Variants in MARCHF4 observed in about 807,000 individuals in gnomAD.
MARCHF4 encodes the protein E3 ubiquitin-protein ligase MARCHF4.
Under a neutral mutation model 43.9 loss-of-function variants are expected in MARCHF4, and 14 were observed. That is an observed-to-expected ratio of 0.32 (90% CI 0.21 to 0.50). The LOEUF (loss-of-function observed/expected upper bound fraction) is 0.50. MARCHF4 is among the 20% of genes least tolerant of loss of function. MARCHF4 has a pLI of 0.98. For missense variants in MARCHF4, 468 were observed against 536.7 expected, an observed-to-expected ratio of 0.87 and a Z score of 1.27; for synonymous variants, 226 against 213.3, an observed-to-expected ratio of 1.06 and a Z score of -0.52.
At chr2:216,269,546 T>C (rs576942287) in intron 3 of MARCHF4, among the ~76,000 whole-genome samples, 2 of 152,198 alleles carry the variant, frequency 1.3e-5, no homozygotes, top group Admixed American at 1.3e-4. Context: ...GATCTCTATA[T>C]CTAGGCTGTA....
Position 216,368,906 on chromosome 2 carries a change from T to A in MARCHF4, c.516+839A>T, listed in dbSNP as rs1270836141. Among the ~76,000 whole-genome samples the A allele has an allele frequency of 2.6e-5, 4 of 152,066 alleles. No individual in the cohort carries two copies. The East Asian group carries it at 7.7e-4, about 29-fold the overall frequency. ...AACTTGGGAGGGGTGTCTGTGAAAA[T>A]CTGAATGAATAGGGTAGGGAAAACC... On this transcript the variant is annotated intron_variant, in intron 1 of 3. Transcript: ENST00000273067.
At chr2:216,325,659 A>T (rs1177389790) in intron 1 of MARCHF4, among the ~76,000 whole-genome samples, 4 of 152,248 alleles carry the variant, frequency 2.6e-5, no homozygotes, top group African/African-American at 9.6e-5. Context: ...AACGCCACAT[A>T]TCTACAACTA....
intron 1 of MARCHF4, 141 bp downstream of exon 1, chr2:216,369,604 A>G: frequency 1.5e-6 from 1 of 660,968 alleles, no homozygotes; most frequent in African/African-American, 1.8e-5. Flanking sequence ...ACTTAACCAC[A>G]AGAAACATCA....
At chr2:216,269,940 CT>C (rs998493273) in intron 3 of MARCHF4, among the ~76,000 whole-genome samples, 6 of 152,206 alleles carry the variant, frequency 3.9e-5, no homozygotes, top group African/African-American at 1.4e-4. Flanking sequence ...CCCTAGTCCT[CT>C]GTCCTCAGCC....
At chr2:216,320,526 C>G (rs1299867293) in intron 1 of MARCHF4, among the ~76,000 whole-genome samples, 6 of 152,166 alleles carry the variant, frequency 3.9e-5, no homozygotes, top group Non-Finnish European at 8.8e-5. Flanking sequence ...AATGTCTACC[C>G]AATTCCAAGG....
At chr2:216,355,003 A>ATTCTTTCTTTCTTTCTTTTTTT (rs1559106767) in intron 1 of MARCHF4, among the ~76,000 whole-genome samples, 1 of 126,514 alleles carries the variant, frequency 7.9e-6, no homozygotes, top group Admixed American at 9.6e-5. Context: ...ACAGAGTCTA[A>ATTCTTTCTTTCTTTCTTTTTTT]CTTTGTCACC....
intron 1 of MARCHF4, among the ~76,000 whole-genome samples, chr2:216,343,220 A>G (rs955440937): frequency 3.9e-5 from 6 of 152,210 alleles, no homozygotes; most frequent in Admixed American, 2.6e-4. Context: ...ACAAAATATC[A>G]TAGACTGAGT....
At chr2:216,301,775 A>G (rs1023235031) in intron 1 of MARCHF4, among the ~76,000 whole-genome samples, 35 of 152,246 alleles carry the variant, frequency 2.3e-4, no homozygotes, top group African/African-American at 8.4e-4. Context: ...TTTTTGGAGA[A>G]TGTTGGACAA....
chr2:216,263,494 AG>A, intron 3 of MARCHF4, among the ~76,000 whole-genome samples: 1 of 32,700 alleles, frequency 3.1e-5, no homozygotes, highest in African/African-American at 4.9e-5. Context: ...GGAGAGAGAA[AG>A]AGAGAGAGAG....
rs373142218 is a variant in MARCHF4 at position 216,359,885 on chromosome 2, G to A, written c.516+9860C>T. ...TTATTAATTGAACTCTGCCAGCACT[G>A]AATGACTGAACTTGCACTTTTGATT... is the stretch of plus-strand genomic sequence containing the variant. On this transcript the variant is annotated intron_variant, in intron 1 of 3. Transcript: ENST00000273067. Among the ~76,000 whole-genome samples, 8 of 152,284 alleles carry A rather than the reference G, an allele frequency of 5.3e-5. No homozygotes were observed. The East Asian group carries it at 1.2e-3, about 22-fold the overall frequency.
At chr2:216,365,629 C>A (rs1296085986) in intron 1 of MARCHF4, among the ~76,000 whole-genome samples, 1 of 152,252 alleles carries the variant, frequency 6.6e-6, no homozygotes, top group African/African-American at 2.4e-5. Flanking sequence ...CTCACTTGGT[C>A]TTCAGAAGCA....
chr2:216,352,180 C>T (rs531399877), intron 1 of MARCHF4, among the ~76,000 whole-genome samples: 1 of 152,292 alleles, frequency 6.6e-6, no homozygotes, highest in East Asian at 1.9e-4. Flanking sequence ...TCCCCTTTGT[C>T]CACCTGTTTT....
rs145299158 is a variant in MARCHF4, at chr2:216,348,754, G to A, written c.516+20991C>T. Among the ~76,000 whole-genome samples, 82 of 152,180 alleles carry A rather than the reference G, an allele frequency of 5.4e-4. No homozygotes were observed. In the East Asian group the frequency reaches 0.01, roughly 19 times the overall value. On this transcript the variant is annotated intron_variant, in intron 1 of 3. Transcript: ENST00000273067. ...GAATTATTTCTTGCTAGAAATCCAA[G>A]AACCCTCTTTTGGGGTCTGGATCAG...
intron 1 of MARCHF4, among the ~76,000 whole-genome samples, chr2:216,348,765 T>C (rs1261976354): frequency 6.6e-6 from 1 of 152,238 alleles, no homozygotes; most frequent in African/African-American, 2.4e-5. Flanking sequence ...AACCCTCTTT[T>C]GGGGTCTGGA....
chr2:216,271,192 C>T lies in MARCHF4; in HGVS notation c.865+6480G>A, dbSNP rs576861652. 2.0e-5 allele frequency among the ~76,000 whole-genome samples: 3 copies of T among 152,290 alleles called. No homozygotes were observed. In the East Asian group the frequency reaches 5.8e-4, roughly 29 times the overall value. ...ATGGCCAACTGCTCCAAGCCCCTTG[C>T]CCATCACCCACCTCCCAGCCTGACT... On this transcript the variant is annotated intron_variant, in intron 3 of 3. Transcript: ENST00000273067.
intron 1 of MARCHF4, among the ~76,000 whole-genome samples, chr2:216,298,487 A>G (rs1048422737): frequency 2.6e-5 from 4 of 152,072 alleles, no homozygotes; most frequent in African/African-American, 2.4e-5. Flanking sequence ...GCTGGTCTCA[A>G]ACTCCTGGGC....
chr2:216,332,079 C>T (rs1692088217), intron 1 of MARCHF4, among the ~76,000 whole-genome samples: 1 of 152,090 alleles, frequency 6.6e-6, no homozygotes, highest in African/African-American at 2.4e-5. Context: ...AAAAAATAAT[C>T]TACAAATTGT....
chr2:216,294,169 G>A (rs967982112), intron 1 of MARCHF4, among the ~76,000 whole-genome samples: 3 of 152,364 alleles, frequency 2.0e-5, no homozygotes, highest in South Asian at 2.1e-4. Context: ...AGGTCACCAT[G>A]TTCTCTTTCT....
At position 216,277,736 on chromosome 2, in the gene MARCHF4, C is replaced by T. The variant is rs142553951; in HGVS notation, c.801G>A (p.Gln267=). ...WSTFSPSARW[Q]RQDLLFQICY... ...AGATCTGGAAGAGAAGGTCTTGGCGCTGCCATCTTGCCGAGGGGCTGAAAG... is the reference window on the plus strand; with the variant it reads ...AGATCTGGAAGAGAAGGTCTTGGCGTTGCCATCTTGCCGAGGGGCTGAAAG... Residue 267 remains glutamine (Q), a synonymous_variant, in exon 3 of 4, where the codon CAG becomes CAA. Transcript: ENST00000273067. 1.2e-6 allele frequency: 2 copies of T among 1,614,212 alleles called. No homozygotes were observed. The highest frequency in any genetic ancestry group is 1.3e-5 in the African/African-American group (1 of 75,072).
Sources: gnomAD v4.1 joint callset for allele counts (sites outside exome capture counted in the v4.1 genomes callset) on GRCh38, gnomAD v4.1.1 for gene constraint, MANE v1.5 for transcripts, NCBI Gene and HGNC (gene_info 2026-07-23, HGNC 2026-07-21) for gene names.